Variants in RFTN2 observed in about 807,000 individuals in gnomAD.
RFTN2 encodes raftlin-2.
Under a neutral mutation model 52.7 loss-of-function variants are expected in RFTN2, and 34 were observed. The ratio of observed to expected loss-of-function variants is 0.64; its 90% CI spans 0.49 to 0.86. RFTN2 has a LOEUF of 0.86. Among genes scored for constraint, RFTN2 ranks in the 40% least tolerant of loss-of-function variants. RFTN2 has a pLI of 0.00. For synonymous variants in RFTN2, 203 were observed against 217.7 expected, an observed-to-expected ratio of 0.93 and a Z score of 0.59; for missense variants, 536 against 600.1, an observed-to-expected ratio of 0.89 and a Z score of 1.12.
intron 2 of RFTN2, among the ~76,000 whole-genome samples, chr2:197,644,553 T>C (rs1351434318): frequency 6.6e-6 from 1 of 151,442 alleles, no homozygotes; most frequent in East Asian, 1.9e-4. Flanking sequence ...AAGAAATAAT[T>C]TTAGATTGTT....
At chr2:197,573,476 A>G (rs1207912870) in intron 8 of RFTN2, among the ~76,000 whole-genome samples, 1 of 152,254 alleles carries the variant, frequency 6.6e-6, no homozygotes, top group Non-Finnish European at 1.5e-5. Flanking sequence ...GCAGCAAAGC[A>G]TTAAATAGGT....
intron 8 of RFTN2, among the ~76,000 whole-genome samples, chr2:197,582,411 C>A (rs1171763545): frequency 1.3e-5 from 2 of 152,196 alleles, no homozygotes; most frequent in Non-Finnish European, 2.9e-5. Flanking sequence ...ACATTGACTC[C>A]ATTTCCCCAT....
At chr2:197,629,864 C>G (rs2088436602) in intron 5 of RFTN2, among the ~76,000 whole-genome samples, 1 of 151,960 alleles carries the variant, frequency 6.6e-6, no homozygotes, top group African/African-American at 2.4e-5. Flanking sequence ...GCTGGGAATA[C>G]AGGTGGCTGC....
At position 197,669,783 on chromosome 2, in the gene RFTN2, C is replaced by G. The variant is rs1014243775; in HGVS notation, c.139+5537G>C. 5.9e-5 allele frequency among the ~76,000 whole-genome samples: 9 copies of G among 152,170 alleles called. 1 individual carries two copies. The highest frequency in any genetic ancestry group is 1.9e-4 in the African/African-American group (8 of 41,428). ...CCACAGACCAGTACCAGTCTGCAGC[C>G]TGGGGGCTGGGGACCCCTGCACTAG... On this transcript the variant is annotated intron_variant, in intron 1 of 8. Coordinates refer to ENST00000295049, the MANE Select transcript of RFTN2 (RefSeq NM_144629.3).
intron 3 of RFTN2, among the ~76,000 whole-genome samples, chr2:197,643,855 T>C (rs1321740421): frequency 3.3e-5 from 5 of 152,208 alleles, no homozygotes; most frequent in Non-Finnish European, 4.4e-5. Context: ...TGCAGAACAA[T>C]TGCCTACTTT....
intron 8 of RFTN2, among the ~76,000 whole-genome samples, chr2:197,590,399 G>A (rs1314140529): frequency 6.6e-6 from 1 of 152,114 alleles, no homozygotes; most frequent in Non-Finnish European, 1.5e-5. Flanking sequence ...TACTGCAGAA[G>A]ATCTGTGAAA....
At chr2:197,663,132 A>T (rs2089002171) in intron 1 of RFTN2, among the ~76,000 whole-genome samples, 1 of 151,922 alleles carries the variant, frequency 6.6e-6, no homozygotes, top group African/African-American at 2.4e-5. Context: ...TGTTGATGTG[A>T]TGTGTCATGT....
intron 1 of RFTN2, among the ~76,000 whole-genome samples, chr2:197,666,760 T>C (rs2089068592): frequency 2.6e-5 from 4 of 152,336 alleles, no homozygotes; most frequent in African/African-American, 9.6e-5. Context: ...GAGATTCCAA[T>C]AATTCGAGTA....
intron 8 of RFTN2, among the ~76,000 whole-genome samples, chr2:197,590,444 A>T (rs573972203): frequency 6.6e-6 from 1 of 152,262 alleles, no homozygotes; most frequent in East Asian, 1.9e-4. Context: ...GGTCTCCATA[A>T]CTTCCGAAGA....
At chr2:197,629,941 C>G (rs753388338) in intron 5 of RFTN2, among the ~76,000 whole-genome samples, 1 of 152,074 alleles carries the variant, frequency 6.6e-6, no homozygotes, top group Admixed American at 6.6e-5. Context: ...CCAGGCTAGT[C>G]TCGAACTCCT....
chr2:197,632,571 G>A (rs1383069281), intron 4 of RFTN2, among the ~76,000 whole-genome samples: 3 of 152,120 alleles, frequency 2.0e-5, no homozygotes, highest in Non-Finnish European at 4.4e-5. Context: ...CCAGTCTAGG[G>A]TATTTCTTTA....
chr2:197,606,571 A>G (rs941453615), intron 7 of RFTN2, among the ~76,000 whole-genome samples: 1 of 152,120 alleles, frequency 6.6e-6, no homozygotes, highest in Non-Finnish European at 1.5e-5. Context: ...AATTTTCGCA[A>G]CCTACTCATC....
chr2:197,629,696 A>ACACACACACACACC (rs1325493901), intron 5 of RFTN2, among the ~76,000 whole-genome samples: 4 of 134,670 alleles, frequency 3.0e-5, no homozygotes, highest in African/African-American at 1.0e-4. Context: ...ACACACACAC[A>ACACACACACACACC]CACATATTTA....
rs1406187572 is a variant in RFTN2 at position 197,591,625 on chromosome 2, C to T, written c.1233+4366G>A. Among the ~76,000 whole-genome samples the T allele has an allele frequency of 3.3e-5, 5 of 152,210 alleles. No individual in the cohort carries two copies. In the East Asian group the frequency reaches 9.6e-4, roughly 29 times the overall value. On this transcript the variant is annotated intron_variant, in intron 8 of 8. Coordinates refer to ENST00000295049, the MANE Select transcript of RFTN2 (RefSeq NM_144629.3). ...CAGGGGGCAGCACTCATTGGGGAGG[C>T]TCCGGTGGTGCAGGAGCCCACGGTG...
chr2:197,621,897 G>A (rs980283836), intron 5 of RFTN2, among the ~76,000 whole-genome samples: 7 of 152,200 alleles, frequency 4.6e-5, no homozygotes, highest in Non-Finnish European at 1.0e-4. Context: ...GGCCTCTTGT[G>A]TCAGTTAGCC....
intron 7 of RFTN2, among the ~76,000 whole-genome samples, chr2:197,604,200 A>G (rs940263190): frequency 1.3e-5 from 2 of 152,200 alleles, no homozygotes; most frequent in Non-Finnish European, 2.9e-5. Context: ...GAAACAATCT[A>G]TTTGAAAAGA....
chr2:197,601,388 C>T (rs148356401), intron 7 of RFTN2, among the ~76,000 whole-genome samples: 493 of 152,270 alleles, frequency 3.2e-3, no homozygotes, highest in Admixed American at 6.1e-3. Flanking sequence ...GTGCTCTCAG[C>T]GTTCCAAGTC....
At chr2:197,625,722 C>CTTCT (rs2088347250) in intron 5 of RFTN2, among the ~76,000 whole-genome samples, 1 of 70,516 alleles carries the variant, frequency 1.4e-5, no homozygotes, top group African/African-American at 5.6e-5. Flanking sequence ...TCCTCTCCTC[C>CTTCT]CCTCCCTTCC....
In RFTN2 at chr2:197,571,567, T is replaced by C. The variant is rs1332831363; in HGVS notation, c.*441A>G. On this transcript the variant is annotated 3_prime_UTR_variant, in exon 9 of 9. Transcript: ENST00000295049. ...TTTATTTGCACTAATTAGCTGTGTG[T>C]GTGTATGAGAGAGAGAGAAAAAAAA... is the stretch of plus-strand genomic sequence containing the variant. 1 of 158,712 alleles carries C rather than the reference T, an allele frequency of 6.3e-6. No homozygotes were observed. The highest frequency in any genetic ancestry group is 1.4e-5 in the Non-Finnish European group (1 of 72,846). The allele number at this position is 158,712 out of a possible 1,614,324, so 9.8% of individuals were successfully genotyped here.
Sources: gnomAD v4.1 joint callset for allele counts (sites outside exome capture counted in the v4.1 genomes callset) on GRCh38, gnomAD v4.1.1 for gene constraint, MANE v1.5 for transcripts, NCBI Gene and HGNC (gene_info 2026-07-23, HGNC 2026-07-21) for gene names.